The following ADARB2 variants were observed in gnomAD, a reference collection of about 807,000 sequenced individuals.
ADARB2 encodes the protein adenosine deaminase RNA specific B2 (inactive).
ADARB2 carries 25 observed loss-of-function variants against 62.2 expected under a neutral mutation model. The observed-to-expected ratio is 0.40, with a 90% CI of 0.29 to 0.56. The LOEUF (loss-of-function observed/expected upper bound fraction) is 0.56. ADARB2 is among the 20% of genes least tolerant of loss of function. ADARB2 has a pLI of 0.43. For missense variants in ADARB2, 1,071 were observed against 1,077.4 expected (o/e 0.99, Z 0.08); for synonymous variants, 572 against 500.8 (o/e 1.14, Z -1.90).
chr10:1,734,440 G>A (rs1835275253), intron 1 of ADARB2, among the ~76,000 whole-genome samples: 1 of 151,994 alleles, frequency 6.6e-6, no homozygotes, highest in East Asian at 1.9e-4. Context: ...ACCCTTCAGT[G>A]GTAGCCCCGG....
chr10:1,586,484 G>T (rs1833182403), intron 1 of ADARB2, among the ~76,000 whole-genome samples: 1 of 152,226 alleles, frequency 6.6e-6, no homozygotes, highest in South Asian at 2.1e-4. Flanking sequence ...AGCCTTTCTT[G>T]TGGGAAGATC....
At chr10:1,673,261 A>ACATAATATGT (rs1834415131) in intron 1 of ADARB2, among the ~76,000 whole-genome samples, 1 of 152,150 alleles carries the variant, frequency 6.6e-6, no homozygotes, top group Non-Finnish European at 1.5e-5. Flanking sequence ...GTATATGTAT[A>ACATAATATGT]ATAGATCATA....
chr10:1,330,904 C>T (rs1202820773), intron 3 of ADARB2, among the ~76,000 whole-genome samples: 1 of 151,936 alleles, frequency 6.6e-6, no homozygotes, highest in African/African-American at 2.4e-5. Flanking sequence ...TATGATATAC[C>T]CGAATACATA....
At chr10:1,318,539 C>T (rs1831762731) in intron 3 of ADARB2, among the ~76,000 whole-genome samples, 1 of 152,166 alleles carries the variant, frequency 6.6e-6, no homozygotes, top group African/African-American at 2.4e-5. Flanking sequence ...GTGGATTTCT[C>T]AGTGCACACA....
chr10:1,268,640 T>G (rs1459719299), intron 4 of ADARB2, among the ~76,000 whole-genome samples: 1 of 152,256 alleles, frequency 6.6e-6, no homozygotes, highest in African/African-American at 2.4e-5. Context: ...GCACATCAAC[T>G]TTAAGTAAAT....
chr10:1,277,993 A>G (rs997560528), intron 3 of ADARB2, among the ~76,000 whole-genome samples: 18 of 151,038 alleles, frequency 1.2e-4, no homozygotes, highest in Middle Eastern at 3.2e-3. Context: ...TTTTTGAGAC[A>G]GAGTCTAGTT....
chr10:1,506,313 T>G (rs1164585398), intron 1 of ADARB2, among the ~76,000 whole-genome samples: 3 of 152,146 alleles, frequency 2.0e-5, no homozygotes, highest in African/African-American at 7.2e-5. Flanking sequence ...CTGCCCATAA[T>G]ATTTATTATT....
chr10:1,456,781 GC>G (rs1831101378), intron 1 of ADARB2, among the ~76,000 whole-genome samples: 1 of 152,068 alleles, frequency 6.6e-6, no homozygotes, highest in South Asian at 2.1e-4. Flanking sequence ...TCTTCTGACT[GC>G]CCGAGAAAGA....
chr10:1,569,376 G>A (rs1832905785), intron 1 of ADARB2, among the ~76,000 whole-genome samples: 1 of 152,198 alleles, frequency 6.6e-6, no homozygotes, highest in South Asian at 2.1e-4. Context: ...CACACAGCCT[G>A]TGTCATGAAC....
At chr10:1,186,594 T>G (rs1564214262) in intron 8 of ADARB2, 3 of 518,298 alleles carry the variant, frequency 5.8e-6, no homozygotes, top group Non-Finnish European at 1.2e-5. Context: ...CCTTCCTGCC[T>G]TCCTGGCCTG....
chr10:1,463,506 G>A (rs1032397865), intron 1 of ADARB2, among the ~76,000 whole-genome samples: 3 of 152,298 alleles, frequency 2.0e-5, no homozygotes, highest in African/African-American at 7.2e-5. Context: ...AGAAGCGCGC[G>A]TATTCATCTC....
intron 1 of ADARB2, among the ~76,000 whole-genome samples, chr10:1,489,794 G>A (rs1255790388): frequency 6.6e-6 from 1 of 152,150 alleles, no homozygotes; most frequent in Non-Finnish European, 1.5e-5. Flanking sequence ...AGAAATGCTG[G>A]ATGAGGGATC....
At chr10:1,213,367 T>C (rs918088228) in intron 7 of ADARB2, among the ~76,000 whole-genome samples, 2 of 150,686 alleles carry the variant, frequency 1.3e-5, no homozygotes, top group Non-Finnish European at 3.0e-5. Context: ...GGAGAAGAGA[T>C]GATGGGGACA....
Position 1,331,636 on chromosome 10 carries a change from T to C in ADARB2, c.1077+31392A>G, listed in dbSNP as rs547845321. 4.9e-4 allele frequency among the ~76,000 whole-genome samples: 74 copies of C among 152,316 alleles called. 1 individual carries two copies. The South Asian group carries it at 0.014, about 29-fold the overall frequency. On this transcript the variant is annotated intron_variant, in intron 3 of 9. Coordinates refer to ENST00000381312, the MANE Select transcript of ADARB2 (RefSeq NM_018702.4). ...GTGAGGTCAGAAAAATGTTCCAAAA[T>C]TCCTATCCAAAGATAAGAATGATGG...
Position 1,632,684 on chromosome 10 carries a change from C to T in ADARB2, c.100+104367G>A, listed in dbSNP as rs572719203. ...TGGCAGATCCTCACACCAGTGTCCTCCTCCCACTCACTGTGGGACTGCATG... is the reference window on the plus strand; with the variant it reads ...TGGCAGATCCTCACACCAGTGTCCTTCTCCCACTCACTGTGGGACTGCATG... On this transcript the variant is annotated intron_variant, in intron 1 of 9. Coordinates refer to ENST00000381312, the MANE Select transcript of ADARB2 (RefSeq NM_018702.4). Among the ~76,000 whole-genome samples the T allele has an allele frequency of 9.8e-5, 15 of 152,346 alleles. No homozygotes were observed. The South Asian group carries it at 2.9e-3, about 29-fold the overall frequency.
chr10:1,215,753 TTCATGGC>T (rs1837224361), intron 7 of ADARB2: 1 of 152,254 alleles, frequency 6.6e-6, no homozygotes, highest in African/African-American at 2.4e-5. Flanking sequence ...TTGTGGGGAA[TTCATGGC>T]TCTTTTAGGG....
At chr10:1,390,050 T>C (rs1311262916) in intron 1 of ADARB2, among the ~76,000 whole-genome samples, 1 of 152,208 alleles carries the variant, frequency 6.6e-6, no homozygotes, top group South Asian at 2.1e-4. Flanking sequence ...ATATTCCAAA[T>C]GCCCATCAAG....
intron 1 of ADARB2, among the ~76,000 whole-genome samples, chr10:1,553,673 T>A (rs1322455179): frequency 6.6e-6 from 1 of 152,150 alleles, no homozygotes; most frequent in Non-Finnish European, 1.5e-5. Flanking sequence ...GGAACCACAG[T>A]CCTTTCTACC....
At chr10:1,327,830 CACCTCACAGCTCAGT>C (rs1489602868) in intron 3 of ADARB2, among the ~76,000 whole-genome samples, 2 of 81,024 alleles carry the variant, frequency 2.5e-5, no homozygotes, top group African/African-American at 4.7e-5. Flanking sequence ...CACAGCTCAG[CACCTCACAGCTCAGT>C]GCCTCCTCAC....
Sources: gnomAD v4.1 joint callset for allele counts (sites outside exome capture counted in the v4.1 genomes callset) on GRCh38, gnomAD v4.1.1 for gene constraint, MANE v1.5 for transcripts, NCBI Gene and HGNC (gene_info 2026-07-23, HGNC 2026-07-21) for gene names.